Variants in AKR1B1 observed in about 807,000 individuals in gnomAD.
The protein encoded by AKR1B1 is aldo-keto reductase family 1 member B, also known as aldo-keto reductase family 1 member B1.
In AKR1B1, 22 loss-of-function variants were observed where a neutral mutation model predicts 40.4. That is an observed-to-expected ratio of 0.54 (90% confidence interval 0.39 to 0.78). The LOEUF (loss-of-function observed/expected upper bound fraction) is 0.78. Ranked by LOEUF, AKR1B1 falls within the 30% of genes least tolerant of loss-of-function variation. The pLI is 0.00. For missense variants in AKR1B1, 357 were observed against 396.7 expected (o/e 0.90, Z 0.85); for synonymous variants, 157 against 149.9 (o/e 1.05, Z -0.35).
At chr7:134,450,711 G>A in intron 3 of AKR1B1, 75 bp downstream of exon 3, 2 of 1,122,608 alleles carry the variant, frequency 1.8e-6, no homozygotes, top group South Asian at 2.5e-5. Context: ...CACGTAATCT[G>A]CTAAGGGAGC....
Position 134,450,601 on chromosome 7 carries a change from C to T in AKR1B1, c.351+185G>A, listed in dbSNP as rs138552793. ...TGCTGGTGCGGATTCAAATGGCCTGCGTGGGGCCCGAGACTGTGATTTCTA... is the reference window on the plus strand; with the variant it reads ...TGCTGGTGCGGATTCAAATGGCCTGTGTGGGGCCCGAGACTGTGATTTCTA... On this transcript the variant is annotated intron_variant, in intron 3 of 9. Transcript: ENST00000285930. Among the ~76,000 whole-genome samples the T allele has an allele frequency of 3.5e-3, 540 of 152,322 alleles. 3 individuals are homozygous for T. Among genetic ancestry groups the T allele is most frequent in the African/African-American group, 9.6e-3 (397 of 41,570 alleles).
chr7:134,445,190 C>T (rs751957729), intron 9 of AKR1B1, 48 bp downstream of exon 9: 14 of 1,504,710 alleles, frequency 9.3e-6, no homozygotes, highest in African/African-American at 1.4e-5. Flanking sequence ...TGCTGTGCAG[C>T]ATCTGAATAT....
At chr7:134,458,722 T>C (rs1806571860) in intron 1 of AKR1B1, among the ~76,000 whole-genome samples, 2 of 152,002 alleles carry the variant, frequency 1.3e-5, no homozygotes, top group African/African-American at 2.4e-5. Context: ...CCATCAAGGG[T>C]TGCCCGCGGT....
chr7:134,448,193 C>A (rs1372985106), intron 6 of AKR1B1, 132 bp from the exon 7 acceptor site: 2 of 925,880 alleles, frequency 2.2e-6, no homozygotes, highest in Non-Finnish European at 3.4e-6. Flanking sequence ...GGGTTAAGAA[C>A]CCCCAACCCT....
intron 9 of AKR1B1, among the ~76,000 whole-genome samples, chr7:134,443,953 A>C (rs1403003919): frequency 6.6e-6 from 1 of 152,124 alleles, no homozygotes; most frequent in African/African-American, 2.4e-5. Context: ...GCAACAGGAT[A>C]ATCGAACAGA....
chr7:134,446,511 C>T (rs1331708164), intron 8 of AKR1B1, among the ~76,000 whole-genome samples: 1 of 152,270 alleles, frequency 6.6e-6, no homozygotes, highest in Non-Finnish European at 1.5e-5. Context: ...CCTGGCAGAG[C>T]CACTTTGCTC....
At chr7:134,447,907 C>G (rs777157468) in intron 7 of AKR1B1, 73 bp downstream of exon 7, 1 of 1,325,154 alleles carries the variant, frequency 7.5e-7, no homozygotes, top group East Asian at 2.4e-5. Context: ...CAGTCACTTC[C>G]TCCTCTTGGC....
chr7:134,449,685 T>C, intron 4 of AKR1B1, 35 bp downstream of exon 4: 1 of 1,540,568 alleles, frequency 6.5e-7, no homozygotes, highest in African/African-American at 1.4e-5. Context: ...AGGGAACCAG[T>C]CACGAAAACA....
At chr7:134,446,601 C>T (rs1033076957) in intron 8 of AKR1B1, among the ~76,000 whole-genome samples, 1 of 152,204 alleles carries the variant, frequency 6.6e-6, no homozygotes, top group Non-Finnish European at 1.5e-5. Flanking sequence ...TCCCCCACAC[C>T]CCCGCCACCA....
intron 1 of AKR1B1, among the ~76,000 whole-genome samples, chr7:134,454,667 T>C (rs762101964): frequency 3.3e-5 from 5 of 152,174 alleles, no homozygotes; most frequent in African/African-American, 9.7e-5. Context: ...TTTTGAAATG[T>C]TCTCTAGTTA....
Position 134,449,094 on chromosome 7 carries a change from C to T in AKR1B1, c.455G>A (p.Gly152Glu). The change falls in exon 5 of 10, where the codon GGG becomes GAG. Residue 152 changes from glycine (G) to glutamate (E), a missense_variant. Gly to Glu is a moderately conservative substitution (Grantham distance 98). Transcript: ENST00000285930. ...GGAGATGCCAATAGCTTTCACCAGCCCTTCATCCACCAGCTCTTCCATGGC... is the reference window on the plus strand; with the variant it reads ...GGAGATGCCAATAGCTTTCACCAGCTCTTCATCCACCAGCTCTTCCATGGC... ...WAAMEELVDE[G>E]LVKAIGISNF... 6.2e-7 allele frequency: 1 copy of T among 1,613,836 alleles called. No homozygotes were observed. The highest frequency in any genetic ancestry group is 8.5e-7 in the Non-Finnish European group (1 of 1,180,008).
intron 1 of AKR1B1, among the ~76,000 whole-genome samples, chr7:134,453,249 C>T (rs1025787635): frequency 8.5e-5 from 13 of 152,174 alleles, no homozygotes; most frequent in East Asian, 1.9e-4. Flanking sequence ...GGGCACACTC[C>T]GCAGGCTCAG....
chr7:134,448,341 A>T (rs765155588), intron 6 of AKR1B1, 46 bp downstream of exon 6: 23 of 1,502,666 alleles, frequency 1.5e-5, no homozygotes, highest in Non-Finnish European at 1.9e-5. Context: ...AGTCTTTTCT[A>T]ATCTTCACCA....
intron 2 of AKR1B1, 138 bp downstream of exon 2, chr7:134,451,448 G>A (rs920571225): frequency 2.3e-5 from 25 of 1,082,012 alleles, no homozygotes; most frequent in Admixed American, 5.7e-5. Flanking sequence ...CTGTATGGCC[G>A]TGGGTGATAC....
At chr7:134,459,205 T>TA, upstream of AKR1B1, 1 of 1,028,598 alleles carries the variant, frequency 9.7e-7, no homozygotes, top group Non-Finnish European at 1.4e-6. Context: ...TTGGTTGCGC[T>TA]GGGGGTGCCG....
rs969349248 is a variant in AKR1B1, at chr7:134,442,612, T to C, written c.*116A>G. 7 of 990,936 alleles carry C rather than the reference T, an allele frequency of 7.1e-6. No individual in the cohort carries two copies. In the East Asian group the frequency reaches 7.6e-5, roughly 11 times the overall value. The allele number at this position is 990,936 out of a possible 1,614,324, so 61.4% of individuals were successfully genotyped here. A position where few individuals can be genotyped will look rare whatever the true frequency, so the allele number is the denominator to read the frequency against. On this transcript the variant is annotated 3_prime_UTR_variant, in exon 10 of 10. Transcript: ENST00000285930. ...AGCTAGACACGCCCTCGCTGGCCAC[T>C]CTACAGGTTGCTGTCCCACTGCTGA...
chr7:134,457,987 C>A (rs1806522519), intron 1 of AKR1B1, among the ~76,000 whole-genome samples: 1 of 152,060 alleles, frequency 6.6e-6, no homozygotes, highest in Non-Finnish European at 1.5e-5. Context: ...GCAACGAGAC[C>A]CTGTCACAAA....
chr7:134,454,430 T>C (rs911589384), intron 1 of AKR1B1, among the ~76,000 whole-genome samples: 1 of 152,182 alleles, frequency 6.6e-6, no homozygotes, highest in Non-Finnish European at 1.5e-5. Flanking sequence ...CCTACACAGA[T>C]ACAACACTCC....
chr7:134,447,780 G>C, intron 7 of AKR1B1, 200 bp downstream of exon 7: 1 of 679,750 alleles, frequency 1.5e-6, no homozygotes. Context: ...CAGTAGTGGG[G>C]GCAGGCACTA....
Sources: gnomAD v4.1 joint callset for allele counts (sites outside exome capture counted in the v4.1 genomes callset) on GRCh38, gnomAD v4.1.1 for gene constraint, MANE v1.5 for transcripts, NCBI Gene and HGNC (gene_info 2026-07-23, HGNC 2026-07-21) for gene names.